OSBPL2: variants seen among roughly 807,000 people sequenced by gnomAD.
OSBPL2 encodes oxysterol binding protein like 2.
In OSBPL2, 18 loss-of-function variants were observed where a neutral mutation model predicts 58.4. The observed-to-expected ratio is 0.31, with a 90% CI of 0.21 to 0.46. The LOEUF is 0.46. Among genes scored for constraint, OSBPL2 ranks in the 20% least tolerant of loss-of-function variants. OSBPL2 has a pLI of 1.00. For synonymous variants in OSBPL2, 221 were observed against 234.1 expected, an observed-to-expected ratio of 0.94 and a Z score of 0.51; for missense variants, 461 against 616.5, an observed-to-expected ratio of 0.75 and a Z score of 2.67.
In OSBPL2 at chr20:62,289,681, A is replaced by C. The variant is rs145680279; in HGVS notation, c.1249+351A>C. Among the ~76,000 whole-genome samples, 296 of 152,316 alleles carry C rather than the reference A, an allele frequency of 1.9e-3. 1 individual carries two copies. Among genetic ancestry groups the C allele is most frequent in the African/African-American group, 6.9e-3 (286 of 41,576 alleles). On this transcript the variant is annotated intron_variant, in intron 12 of 13. Transcript: ENST00000313733. The stretch of plus-strand genomic sequence containing the variant: ...CACTTTGGGAGGCTGAGGCAGGTGG[A>C]TCACCCAAGGTCAGGAGTTCGAAAC...
intron 1 of OSBPL2, among the ~76,000 whole-genome samples, chr20:62,241,584 T>TC: frequency 6.6e-6 from 1 of 152,394 alleles, no homozygotes; most frequent in South Asian, 2.1e-4. Context: ...CGCCGTGCCT[T>TC]CCTGAGTCAC....
rs1024591269 is a variant in OSBPL2 at position 62,289,867 on chromosome 20, T to C, written c.1249+537T>C. Among the ~76,000 whole-genome samples the C allele has an allele frequency of 5.9e-5, 9 of 152,080 alleles. No individual in the cohort carries two copies. The East Asian group carries it at 9.7e-4, about 16-fold the overall frequency. On this transcript the variant is annotated intron_variant, in intron 12 of 13. Coordinates refer to ENST00000313733, the MANE Select transcript of OSBPL2 (RefSeq NM_144498.4). ...TTGCAGTGAGCCGAGATTATACCAC[T>C]GCACTCCAGCCAGGGCGACAGAGTG...
chr20:62,270,630 A>ACCTCTCTGAGTCCTCTCCTTGTC (rs1555849118), intron 4 of OSBPL2, among the ~76,000 whole-genome samples: 1,006 of 6,338 alleles, frequency 0.16, 457 homozygotes, highest in Admixed American at 0.19. Flanking sequence ...GTCCTCTCTG[A>ACCTCTCTGAGTCCTCTCCTTGTC]CCTCTCTGGG....
intron 7 of OSBPL2, 56 bp downstream of exon 7, chr20:62,279,395 C>G: frequency 6.4e-7 from 1 of 1,550,836 alleles, no homozygotes; most frequent in South Asian, 1.1e-5. Context: ...GAAATGGGTG[C>G]TGGTGATGTG....
intron 6 of OSBPL2, chr20:62,278,854 C>T (rs1048430317): frequency 5.1e-5 from 17 of 330,932 alleles, no homozygotes; most frequent in Middle Eastern, 9.2e-4. Flanking sequence ...AGGCCGAGTG[C>T]GATGTCATGT....
At chr20:62,244,754 G>A (rs906327440) in intron 1 of OSBPL2, among the ~76,000 whole-genome samples, 3 of 152,226 alleles carry the variant, frequency 2.0e-5, no homozygotes, top group South Asian at 2.1e-4. Flanking sequence ...CTCCGCTTCC[G>A]GGACGTCGGG....
chr20:62,289,176 T>G, intron 11 of OSBPL2, 31 bp from the exon 12 acceptor site: 1 of 1,612,280 alleles, frequency 6.2e-7, no homozygotes. Flanking sequence ...GAGGCCCTGC[T>G]GAGGTCGTGT....
At chr20:62,259,906 T>C in intron 2 of OSBPL2, 75 bp from the exon 3 acceptor site, 1 of 1,377,520 alleles carries the variant, frequency 7.3e-7, no homozygotes, top group South Asian at 1.3e-5. Flanking sequence ...GCTTGCATAG[T>C]CAGAATTCTT....
chr20:62,287,483 G>A (rs1221800796), intron 11 of OSBPL2, among the ~76,000 whole-genome samples: 1 of 152,210 alleles, frequency 6.6e-6, no homozygotes, highest in South Asian at 2.1e-4. Context: ...TAGAGGCAGA[G>A]TCTCGCTCTG....
At position 62,286,696 on chromosome 20, in the gene OSBPL2, C is replaced by G; in HGVS notation, c.1110C>G (p.Pro370=). 1 of 1,612,898 alleles carries G rather than the reference C, an allele frequency of 6.2e-7. No individual in the cohort carries two copies. The highest frequency in any genetic ancestry group is 8.5e-7 in the Non-Finnish European group (1 of 1,179,412). The change falls in exon 11 of 14, where the codon CCC becomes CCG. Residue 370 remains proline (P), a synonymous_variant. Transcript: ENST00000313733. ...SKLLWRINTR[P]PNSAQMYNFT... is the part of the protein sequence containing the mutation. ...TGCTCTGGAGGATCAACACCCGGCCCCCCAACTCTGCCCAGGTCTGTGTCC... is the reference window on the plus strand; with the variant it reads ...TGCTCTGGAGGATCAACACCCGGCCGCCCAACTCTGCCCAGGTCTGTGTCC...
rs1323541483 is a variant in OSBPL2, at chr20:62,288,883, T to C, written c.1126-324T>C. Among the ~76,000 whole-genome samples the C allele has an allele frequency of 1.3e-5, 2 of 151,920 alleles. No individual in the cohort carries two copies. Among genetic ancestry groups the C allele is most frequent in the South Asian group, 2.1e-4 (1 of 4,822 alleles). On this transcript the variant is annotated intron_variant, in intron 11 of 13. Transcript: ENST00000313733. The surrounding 1 kb of genome is among the most constrained non-coding windows in gnomAD (Gnocchi z 4.8). ...CAGGTACAAGCTGAGGGTTTAGCAG[T>C]GGGAGACAGGTGGCGTGGCTGGAGT... is the stretch of plus-strand genomic sequence containing the variant.
intron 1 of OSBPL2, among the ~76,000 whole-genome samples, chr20:62,245,783 G>C (rs1338653620): frequency 6.6e-6 from 1 of 152,176 alleles, no homozygotes; most frequent in Non-Finnish European, 1.5e-5. Context: ...CATACCCCTT[G>C]TTAAAAAAGG....
In OSBPL2 at chr20:62,293,817, G is replaced by A. The variant is rs1788895442; in HGVS notation, c.1373G>A (p.Gly458Glu). The change falls in exon 14 of 14, where the codon GGG (glycine) becomes GAG (glutamate). Residue 458 changes from glycine (G) to glutamate (E), a missense_variant. Physicochemically the swap from Gly to Glu is moderately conservative, Grantham distance 98 (BLOSUM62 -2). This residue lies in a region of OSBPL2 where 319 missense variants were observed against 419.2 expected (regional missense o/e 0.76). Coordinates refer to ENST00000313733, the MANE Select transcript of OSBPL2 (RefSeq NM_144498.4). ...TACCCAGGCAATAACCCCTACACTG[G>A]GACCCCCGACTGGTTGTATGCAGGG... ...WFYPGNNPYT[G>E]TPDWLYAGDY... The A allele has an allele frequency of 1.2e-6, 2 of 1,613,940 alleles. No homozygotes were observed. The highest frequency in any genetic ancestry group is 2.2e-5 in the South Asian group (2 of 91,086).
intron 4 of OSBPL2, among the ~76,000 whole-genome samples, chr20:62,268,488 TCTTCTCCCCA>T (rs954786899): frequency 6.6e-6 from 1 of 151,712 alleles, no homozygotes; most frequent in African/African-American, 2.4e-5. Flanking sequence ...TCTACATGTA[TCTTCTCCCCA>T]CTTCTCCCCA....
At chr20:62,251,507 C>T (rs1980539815) in intron 1 of OSBPL2, among the ~76,000 whole-genome samples, 1 of 151,232 alleles carries the variant, frequency 6.6e-6, no homozygotes, top group Admixed American at 6.6e-5. Flanking sequence ...CTCCTGGGTT[C>T]AAGTGATTCT....
In OSBPL2 at chr20:62,266,832, TACTC is replaced by T. The variant is rs576851038; in HGVS notation, c.258+3143_258+3146del. On this transcript the variant is annotated intron_variant, in intron 4 of 13. Transcript: ENST00000313733. The stretch of plus-strand genomic sequence containing the variant: ...TAGAAAGTCATTTAATATCATCAGA[TACTC>T]AATCTATGTTCAAATGTCCAGTGGT... Among the ~76,000 whole-genome samples the T allele has an allele frequency of 4.0e-3, 615 of 152,380 alleles. 3 individuals are homozygous for T. The highest frequency in any genetic ancestry group is 0.012 in the African/African-American group (485 of 41,596).
At chr20:62,273,237 C>T in intron 5 of OSBPL2, 72 bp from the exon 6 acceptor site, 1 of 1,230,906 alleles carries the variant, frequency 8.1e-7, no homozygotes, top group Non-Finnish European at 1.2e-6. Flanking sequence ...CACCGCCCTC[C>T]ACAAGAGGCC....
At chr20:62,238,701 G>A (rs1190474459) in intron 1 of OSBPL2, 104 bp downstream of exon 1, 1 of 148,422 alleles carries the variant, frequency 6.7e-6, no homozygotes, top group Admixed American at 6.7e-5. Context: ...GGGGAGGGCG[G>A]GCCGGGCAGG....
intron 1 of OSBPL2, among the ~76,000 whole-genome samples, chr20:62,245,047 G>A (rs1346622418): frequency 1.3e-5 from 2 of 152,170 alleles, no homozygotes; most frequent in Non-Finnish European, 2.9e-5. Context: ...AGTCAGGGTT[G>A]AGCCATTCGT....
Sources: gnomAD v4.1 joint callset for allele counts (sites outside exome capture counted in the v4.1 genomes callset) on GRCh38, gnomAD v4.1.1 for gene constraint, gnomAD v4.1.1 regional missense constraint, Gnocchi (gnomAD v3.1) non-coding constraint, MANE v1.5 for transcripts, NCBI Gene and HGNC (gene_info 2026-07-23, HGNC 2026-07-21) for gene names.